Variants in CPA6 observed in about 807,000 individuals in gnomAD.
The protein encoded by CPA6 is carboxypeptidase A6, also known as carboxypeptidase B.
A neutral mutation model predicts 63.3 loss-of-function variants in CPA6; 58 were observed. The ratio of observed to expected loss-of-function variants is 0.92; its 90% CI spans 0.74 to 1.14. The LOEUF (loss-of-function observed/expected upper bound fraction) is 1.14. Among genes scored for constraint, CPA6 ranks in the 50% most tolerant of loss-of-function variants. The probability of loss-of-function intolerance (pLI) is 0.00; values close to 1 mark genes in which losing one functional copy is unlikely to be tolerated. For synonymous variants in CPA6, 185 were observed against 179.0 expected (o/e 1.03, Z -0.27); for missense variants, 565 against 526.6 (o/e 1.07, Z -0.71).
At chr8:67,656,544 C>A (rs1253868365) in intron 1 of CPA6, among the ~76,000 whole-genome samples, 1 of 152,086 alleles carries the variant, frequency 6.6e-6, no homozygotes, top group Non-Finnish European at 1.5e-5. Flanking sequence ...GGGTTGTGAG[C>A]CTGACCTTAT....
intron 2 of CPA6, among the ~76,000 whole-genome samples, chr8:67,561,731 G>A (rs1280180588): frequency 6.6e-6 from 1 of 152,016 alleles, no homozygotes; most frequent in Admixed American, 6.6e-5. Context: ...TGATTTTGAG[G>A]GTCCTATTGT....
At chr8:67,692,928 C>T (rs1288106856) in intron 1 of CPA6, among the ~76,000 whole-genome samples, 1 of 152,164 alleles carries the variant, frequency 6.6e-6, no homozygotes, top group Non-Finnish European at 1.5e-5. Flanking sequence ...TACCCATTAG[C>T]ATAGACCCAT....
At chr8:67,641,390 G>A (rs1481609062) in intron 1 of CPA6, among the ~76,000 whole-genome samples, 1 of 146,756 alleles carries the variant, frequency 6.8e-6, no homozygotes, top group Non-Finnish European at 1.5e-5. Flanking sequence ...TAATAATCAA[G>A]GAACTATAAA....
chr8:67,581,526 G>A (rs925756488), intron 2 of CPA6, among the ~76,000 whole-genome samples: 1 of 152,168 alleles, frequency 6.6e-6, no homozygotes, highest in Non-Finnish European at 1.5e-5. Context: ...CCTGGGGAAG[G>A]ATCCTCCATT....
intron 6 of CPA6, among the ~76,000 whole-genome samples, chr8:67,503,688 T>C (rs895031908): frequency 4.6e-5 from 7 of 152,222 alleles, no homozygotes; most frequent in African/African-American, 1.7e-4. Flanking sequence ...ATAATTGATT[T>C]TATTGTTTAT....
rs984882388 is a variant in CPA6, at chr8:67,640,143, C to T, written c.117-15892G>A. On this transcript the variant is annotated intron_variant, in intron 1 of 10. Coordinates refer to ENST00000297770, the MANE Select transcript of CPA6 (RefSeq NM_020361.5). ...GGGCGTGGAAAAGGCACCACAAATT[C>T]CCACTCTGGTCTGTGGGACTGGGAG... is the stretch of plus-strand genomic sequence containing the variant. Among the ~76,000 whole-genome samples the T allele has an allele frequency of 5.3e-5, 8 of 151,508 alleles. No homozygotes were observed. In the South Asian group the frequency reaches 1.7e-3, roughly 31 times the overall value.
chr8:67,663,125 T>TA (rs1816153990), intron 1 of CPA6, among the ~76,000 whole-genome samples: 1 of 152,030 alleles, frequency 6.6e-6, no homozygotes, highest in South Asian at 2.1e-4. Context: ...ACTTGAAAAA[T>TA]AAAAACTAAA....
intron 2 of CPA6, among the ~76,000 whole-genome samples, chr8:67,574,840 T>G (rs1056791008): frequency 6.6e-5 from 10 of 152,006 alleles, no homozygotes; most frequent in South Asian, 2.1e-4. Flanking sequence ...TTTTTTTTTT[T>G]GGGTTTGGTT....
At chr8:67,666,223 A>G (rs1816223317) in intron 1 of CPA6, among the ~76,000 whole-genome samples, 1 of 152,166 alleles carries the variant, frequency 6.6e-6, no homozygotes, top group Non-Finnish European at 1.5e-5. Flanking sequence ...TTCCACACCT[A>G]TTTTACTATT....
At chr8:67,667,087 CA>C (rs992217291) in intron 1 of CPA6, among the ~76,000 whole-genome samples, 13 of 149,198 alleles carry the variant, frequency 8.7e-5, no homozygotes, top group Non-Finnish European at 1.8e-4. Flanking sequence ...TACCTGGAAC[CA>C]AAAAACCTAT....
At chr8:67,454,104 T>C (rs1314999974) in intron 8 of CPA6, among the ~76,000 whole-genome samples, 1 of 152,256 alleles carries the variant, frequency 6.6e-6, no homozygotes, top group Non-Finnish European at 1.5e-5. Context: ...ATTTCTGAAA[T>C]GTTGCCTTAC....
chr8:67,484,725 A>G lies in CPA6; in HGVS notation c.701T>C (p.Ile234Thr). The change falls in exon 7 of 11, where the codon ATC becomes ACC. Residue 234 changes from isoleucine to threonine, a missense_variant. Coordinates refer to ENST00000297770, the MANE Select transcript of CPA6 (RefSeq NM_020361.5). ...RKMLNHLYFY[I>T]MPVFNVDGYH... ...TCCATCGACGTTAAACACAGGCATG[A>G]TATAGAAATATAGATGATTCAACAT... The G allele has an allele frequency of 1.9e-6, 3 of 1,610,646 alleles. No individual in the cohort carries two copies. The highest frequency in any genetic ancestry group is 2.2e-5 in the South Asian group (2 of 90,942).
At chr8:67,454,380 C>A (rs1345499390) in intron 8 of CPA6, among the ~76,000 whole-genome samples, 1 of 152,058 alleles carries the variant, frequency 6.6e-6, no homozygotes, top group South Asian at 2.1e-4. Flanking sequence ...CCAGATCTGG[C>A]CTTAGTTATG....
At chr8:67,609,283 C>T (rs969163516) in intron 2 of CPA6, among the ~76,000 whole-genome samples, 5 of 152,172 alleles carry the variant, frequency 3.3e-5, no homozygotes, top group Admixed American at 6.5e-5. Context: ...GCCACCTTCC[C>T]ACTTCATGGA....
chr8:67,571,470 C>G (rs975436436), intron 2 of CPA6, among the ~76,000 whole-genome samples: 2 of 152,068 alleles, frequency 1.3e-5, no homozygotes, highest in Non-Finnish European at 1.5e-5. Context: ...CAAATCTTGG[C>G]AAATTTAAGA....
At chr8:67,681,098 T>A (rs1171541711) in intron 1 of CPA6, among the ~76,000 whole-genome samples, 2 of 152,030 alleles carry the variant, frequency 1.3e-5, no homozygotes, top group East Asian at 3.8e-4. Context: ...CAGACGTTTT[T>A]AATTTTCTGA....
chr8:67,577,458 G>T (rs1813655923), intron 2 of CPA6, among the ~76,000 whole-genome samples: 1 of 152,120 alleles, frequency 6.6e-6, no homozygotes, highest in South Asian at 2.1e-4. Context: ...TAATCTGGAG[G>T]TTCCTAATAG....
At chr8:67,453,294 G>A (rs751887159) in intron 8 of CPA6, among the ~76,000 whole-genome samples, 1 of 152,104 alleles carries the variant, frequency 6.6e-6, no homozygotes, top group Non-Finnish European at 1.5e-5. Context: ...ATAAATGGTT[G>A]GATGTATGGT....
intron 2 of CPA6, among the ~76,000 whole-genome samples, chr8:67,554,085 T>TAG (rs1350665667): frequency 2.0e-5 from 3 of 152,156 alleles, no homozygotes; most frequent in Admixed American, 2.0e-4. Context: ...ATACAGCATA[T>TAG]AGAGAGACAC....
Sources: allele counts gnomAD v4.1 joint callset (sites outside exome capture counted in the v4.1 genomes callset), GRCh38; gene constraint gnomAD v4.1.1; transcripts MANE v1.5; gene names NCBI Gene and HGNC (gene_info 2026-07-23, HGNC 2026-07-21).